Variants in ARSG observed in about 807,000 individuals in gnomAD.
ARSG encodes the protein ASG.
A neutral mutation model predicts 50.5 loss-of-function variants in ARSG; 37 were observed. The observed-to-expected ratio is 0.73, with a 90% CI of 0.56 to 0.96. ARSG has a LOEUF of 0.96. Among genes scored for constraint, ARSG ranks in the 50% least tolerant of loss-of-function variants. ARSG has a pLI of 0.00. For missense variants in ARSG, 629 were observed against 675.3 expected (o/e 0.93, Z 0.76); for synonymous variants, 225 against 254.6 (o/e 0.88, Z 1.11).
intron 6 of ARSG, among the ~76,000 whole-genome samples, chr17:68,366,125 G>A (rs1344538435): frequency 6.6e-6 from 1 of 151,924 alleles, no homozygotes; most frequent in Non-Finnish European, 1.5e-5. Context: ...TGTTAGTAGA[G>A]GCAGGGTTTT....
chr17:68,323,297 A>G (rs541633854), intron 2 of ARSG, among the ~76,000 whole-genome samples: 8 of 152,308 alleles, frequency 5.3e-5, no homozygotes, highest in African/African-American at 1.9e-4. Flanking sequence ...TCTAATTTAT[A>G]AATTCTAGGT....
At chr17:68,401,986 C>T (rs1699583908) in intron 11 of ARSG, among the ~76,000 whole-genome samples, 2 of 152,182 alleles carry the variant, frequency 1.3e-5, no homozygotes, top group Non-Finnish European at 2.9e-5. Flanking sequence ...TGAATTCAGA[C>T]TCTCAATCCC....
chr17:68,442,014 C>T, the ARSG span, among the ~76,000 whole-genome samples: 6 of 152,132 alleles, frequency 3.9e-5, no homozygotes, highest in Admixed American at 2.0e-4. Flanking sequence ...GAGATAAAAT[C>T]GATTCCCTTT....
the ARSG span, among the ~76,000 whole-genome samples, chr17:68,442,031 A>G: frequency 6.6e-6 from 1 of 152,174 alleles, no homozygotes; most frequent in Non-Finnish European, 1.5e-5. Context: ...CTTTACAAAC[A>G]ATATACACTG....
intron 2 of ARSG, among the ~76,000 whole-genome samples, chr17:68,340,720 C>T (rs2078232358): frequency 6.6e-6 from 1 of 152,170 alleles, no homozygotes; most frequent in South Asian, 2.1e-4. Context: ...TTCCTCAAAT[C>T]TGCAATTAAC....
At chr17:68,301,468 C>G (rs1435709106) in intron 1 of ARSG, among the ~76,000 whole-genome samples, 1 of 152,154 alleles carries the variant, frequency 6.6e-6, no homozygotes, top group African/African-American at 2.4e-5. Flanking sequence ...GGTGGCTACC[C>G]GAGCAGAAGG....
In ARSG at chr17:68,271,087, T is replaced by G; in HGVS notation, c.-552+11661T>G. 1.2e-6 allele frequency: 2 copies of G among 1,614,198 alleles called. No homozygotes were observed. The highest frequency in any genetic ancestry group is 1.7e-6 in the Non-Finnish European group (2 of 1,180,042). Reference sequence around the variant, plus strand: ...GACGCAGATGAGCTCAATGTAAATCTTACGAATGGGCTCCCTGTTGAGGAC... The same window carrying G: ...GACGCAGATGAGCTCAATGTAAATCGTACGAATGGGCTCCCTGTTGAGGAC... On this transcript the variant is annotated intron_variant, in intron 1 of 11. Coordinates refer to the ARSG transcript ENST00000448504. This position sits in a 1 kb window ranked among gnomAD's most constrained non-coding sequence, Gnocchi z 5.3.
At position 68,393,867 on chromosome 17, in the gene ARSG, C is replaced by CAAAAAAAAAAAAAAAA. The variant is rs762829963; in HGVS notation, c.1092-1192_1092-1191insAAAAAAAAAAAAAAAA. 1.1e-3 allele frequency among the ~76,000 whole-genome samples: 120 copies of CAAAAAAAAAAAAAAAA among 106,142 alleles called. 2 individuals carry two copies. The highest frequency in any genetic ancestry group is 4.2e-3 in the African/African-American group (115 of 27,402). 69.6% of individuals were successfully genotyped at this position (106,142 alleles called of 152,430 possible). Reference sequence around the variant, plus strand: ...TGGGCAACAGAACAAGACTCCATCTCAAAAAAAAAAAAAAGGGAAAGAAAA... The same window carrying CAAAAAAAAAAAAAAAA: ...TGGGCAACAGAACAAGACTCCATCTCAAAAAAAAAAAAAAAAAAAAAAAAAAAAAAGGGAAAGAAAA... On this transcript the variant is annotated intron_variant, in intron 9 of 11. Coordinates refer to ENST00000621439, the MANE Select transcript of ARSG (RefSeq NM_001267727.2).
chr17:68,336,168 G>A (rs1350604613), intron 2 of ARSG, among the ~76,000 whole-genome samples: 1 of 151,580 alleles, frequency 6.6e-6, no homozygotes, highest in Non-Finnish European at 1.5e-5. Flanking sequence ...CAAAGTGCTG[G>A]GATTACAGGT....
At chr17:68,357,345 C>T (rs1161235127) in intron 6 of ARSG, among the ~76,000 whole-genome samples, 1 of 152,154 alleles carries the variant, frequency 6.6e-6, no homozygotes, top group African/African-American at 2.4e-5. Flanking sequence ...AGGGAGGATT[C>T]CTTCCTTGCC....
At chr17:68,326,389 T>G (rs7210498) in intron 2 of ARSG, among the ~76,000 whole-genome samples, 88,903 of 152,082 alleles carry the variant, frequency 0.58, 27,179 homozygotes, top group African/African-American at 0.77. Flanking sequence ...CAACTCAGCC[T>G]GGCGCGGTGG....
rs1298050201 is a variant in ARSG, at chr17:68,420,285, C to T, written c.1400C>T (p.Pro467Leu). The T allele has an allele frequency of 6.2e-7, 1 of 1,614,020 alleles. No individual in the cohort carries two copies. The highest frequency in any genetic ancestry group is 1.3e-5 in the African/African-American group (1 of 74,992). Residue 467 changes from proline to leucine, a missense_variant, in exon 12 of 12, where the codon CCC becomes CTC. Transcript: ENST00000621439. ...NLEDDTAEAV[P>L]LERGGAEYQA... ...GAAGACGATACCGCAGAAGCTGTGC[C>T]CCTAGAAAGAGGTGGTGCGGAGTAC...
chr17:68,262,128 C>T (rs1332144666), intron 1 of ARSG, among the ~76,000 whole-genome samples: 1 of 142,436 alleles, frequency 7.0e-6, no homozygotes, highest in Non-Finnish European at 1.5e-5. Context: ...TGCACTCCAG[C>T]GTGGGTGACA....
intron 1 of ARSG, among the ~76,000 whole-genome samples, chr17:68,277,759 G>GTA (rs1555751460): frequency 6.6e-6 from 1 of 152,150 alleles, no homozygotes; most frequent in Non-Finnish European, 1.5e-5. Context: ...CTTAGACAGT[G>GTA]ACTATATCCT....
intron 1 of ARSG, among the ~76,000 whole-genome samples, chr17:68,292,758 C>A (rs2076060964): frequency 6.6e-6 from 1 of 152,136 alleles, no homozygotes; most frequent in African/African-American, 2.4e-5. Flanking sequence ...AAATGCCATC[C>A]TTTGCCGTTG....
chr17:68,346,711 G>T, intron 3 of ARSG: 5 of 1,230,112 alleles, frequency 4.1e-6, no homozygotes, highest in Non-Finnish European at 5.2e-6. Context: ...GGCAGGAAGC[G>T]GGCATTTCTG....
At chr17:68,438,779 T>G in the ARSG span, among the ~76,000 whole-genome samples, 1 of 152,212 alleles carries the variant, frequency 6.6e-6, no homozygotes, top group East Asian at 1.9e-4. Context: ...TTTTGTATTT[T>G]CAGTAGAGAC....
chr17:68,268,833 A>G, intron 1 of ARSG: 1 of 486,712 alleles, frequency 2.1e-6, no homozygotes, highest in Non-Finnish European at 3.6e-6. Flanking sequence ...TTGTATTGCT[A>G]CTGAATACAG....
At chr17:68,445,516 G>T in the ARSG span, among the ~76,000 whole-genome samples, 1 of 152,186 alleles carries the variant, frequency 6.6e-6, no homozygotes, top group Non-Finnish European at 1.5e-5. Context: ...GGCCCCATTT[G>T]AACACCCCAG....
Sources: allele counts gnomAD v4.1 joint callset (sites outside exome capture counted in the v4.1 genomes callset), GRCh38; gene constraint gnomAD v4.1.1; non-coding constraint Gnocchi (gnomAD v3.1); transcripts MANE v1.5; gene names NCBI Gene and HGNC (gene_info 2026-07-23, HGNC 2026-07-21).